ZNF578: variants seen among roughly 807,000 people sequenced by gnomAD.
ZNF578 encodes Putative chemokine-related protein B42.
Under a neutral mutation model 8.3 loss-of-function variants are expected in ZNF578, and 8 were observed. The ratio of observed to expected loss-of-function variants is 0.96; its 90% CI spans 0.56 to 1.74. The LOEUF is 1.74. ZNF578 is among the 40% of genes most tolerant of loss of function. The pLI is 0.00. For missense variants in ZNF578, 726 were observed against 707.5 expected, an observed-to-expected ratio of 1.03 and a Z score of -0.30; for synonymous variants, 206 against 232.2, an observed-to-expected ratio of 0.89 and a Z score of 1.03.
At chr19:52,478,153 C>G (rs2059313983) in intron 2 of ZNF578, among the ~76,000 whole-genome samples, 1 of 152,234 alleles carries the variant, frequency 6.6e-6, no homozygotes, top group Non-Finnish European at 1.5e-5. Flanking sequence ...CAGGTATACA[C>G]TAGCAGACAA....
intron 2 of ZNF578, among the ~76,000 whole-genome samples, chr19:52,477,292 T>C (rs1320379698): frequency 6.6e-6 from 1 of 152,146 alleles, no homozygotes; most frequent in East Asian, 1.9e-4. Context: ...AGGGAATCAA[T>C]GTTTCTTCTG....
intron 2 of ZNF578, among the ~76,000 whole-genome samples, chr19:52,485,971 T>C (rs973165469): frequency 1.3e-5 from 2 of 151,958 alleles, no homozygotes; most frequent in African/African-American, 2.4e-5. Flanking sequence ...GTCTGTGCTG[T>C]GGAGGATTAG....
At chr19:52,460,325 T>A (rs572242672) in intron 2 of ZNF578, among the ~76,000 whole-genome samples, 2 of 152,130 alleles carry the variant, frequency 1.3e-5, no homozygotes, top group African/African-American at 2.4e-5. Flanking sequence ...TTTTTTTTTT[T>A]TTATTGATGA....
chr19:52,498,657 A>G (rs2059395755), intron 3 of ZNF578, among the ~76,000 whole-genome samples: 2 of 145,968 alleles, frequency 1.4e-5, no homozygotes, highest in South Asian at 4.4e-4. Context: ...TGATGGGATT[A>G]CAGGAATGAG....
intron 3 of ZNF578, among the ~76,000 whole-genome samples, chr19:52,493,613 G>C (rs1165262779): frequency 1.3e-5 from 2 of 152,050 alleles, no homozygotes; most frequent in Non-Finnish European, 2.9e-5. Flanking sequence ...AATTTAACAG[G>C]GAGAGCAGAG....
intron 2 of ZNF578, among the ~76,000 whole-genome samples, chr19:52,481,825 G>A (rs1432261298): frequency 6.6e-6 from 1 of 152,044 alleles, no homozygotes; most frequent in African/African-American, 2.4e-5. Context: ...TGACCTGCTA[G>A]GCTCAAGCAA....
chr19:52,488,740 C>T (rs1447391673), intron 2 of ZNF578, among the ~76,000 whole-genome samples: 1 of 151,086 alleles, frequency 6.6e-6, no homozygotes, highest in Non-Finnish European at 1.5e-5. Context: ...GCCGAGATTG[C>T]GTCACTGCAC....
chr19:52,516,814 G>C lies in ZNF578; in HGVS notation c.*4660G>C, dbSNP rs987964099. 5.3e-5 allele frequency among the ~76,000 whole-genome samples: 8 copies of C among 152,150 alleles called. No homozygotes were observed. The highest frequency in any genetic ancestry group is 1.7e-4 in the African/African-American group (7 of 41,438). The stretch of plus-strand genomic sequence containing the variant: ...ACTAATGATAATCCCACCATACTTT[G>C]CTGACTCTCTTTTCACACTCAGCCC... On this transcript the variant is annotated 3_prime_UTR_variant, in exon 6 of 6. Transcript: ENST00000421239.
chr19:52,456,679 C>CT (rs2059240719), intron 1 of ZNF578, 189 bp from the exon 2 acceptor site: 1 of 153,410 alleles, frequency 6.5e-6, no homozygotes, highest in African/African-American at 2.4e-5. Flanking sequence ...TCCTGTAGGA[C>CT]TTTCTTGTCT....
intron 1 of ZNF578, chr19:52,456,102 C>G (rs182604630): frequency 1.3e-5 from 2 of 152,368 alleles, no homozygotes; most frequent in East Asian, 1.9e-4. Flanking sequence ...AACATCCTTC[C>G]TTTTCTAGGC....
Position 52,504,245 on chromosome 19 carries a change from A to C in ZNF578, c.64-410A>C, listed in dbSNP as rs376961549. Among the ~76,000 whole-genome samples the C allele has an allele frequency of 6.8e-4, 103 of 151,798 alleles. 1 individual carries two copies. Among genetic ancestry groups the C allele is most frequent in the East Asian group, 5.3e-3 (27 of 5,124 alleles). ...AGCTGGGATTACAGGAGCCTGCCACAATGCCCGTCTAATTTTTATATTTTT... is the reference window on the plus strand; with the variant it reads ...AGCTGGGATTACAGGAGCCTGCCACCATGCCCGTCTAATTTTTATATTTTT... On this transcript the variant is annotated intron_variant, in intron 4 of 5. Coordinates refer to ENST00000421239, the MANE Select transcript of ZNF578 (RefSeq NM_001099694.2).
chr19:52,462,578 G>A (rs912216564), intron 2 of ZNF578, among the ~76,000 whole-genome samples: 5 of 152,164 alleles, frequency 3.3e-5, no homozygotes, highest in African/African-American at 9.7e-5. Flanking sequence ...TCATAGCCAC[G>A]ATGAGGTTAC....
At chr19:52,483,749 G>A (rs945429181) in intron 2 of ZNF578, among the ~76,000 whole-genome samples, 3 of 152,174 alleles carry the variant, frequency 2.0e-5, no homozygotes, top group African/African-American at 7.2e-5. Context: ...CTATTGCCTG[G>A]TGTTATGTAA....
chr19:52,508,652 G>C (rs1202009432), intron 5 of ZNF578, among the ~76,000 whole-genome samples: 1 of 151,562 alleles, frequency 6.6e-6, no homozygotes, highest in Non-Finnish European at 1.5e-5. Flanking sequence ...CAAAATTATC[G>C]AGTGTGGTGG....
At chr19:52,480,523 A>G (rs1188203404) in intron 2 of ZNF578, among the ~76,000 whole-genome samples, 1 of 152,116 alleles carries the variant, frequency 6.6e-6, no homozygotes, top group East Asian at 1.9e-4. Context: ...CTAAATAACC[A>G]TACAGCAGCT....
chr19:52,460,727 T>G (rs187695288), intron 2 of ZNF578, among the ~76,000 whole-genome samples: 4 of 152,328 alleles, frequency 2.6e-5, no homozygotes, highest in African/African-American at 9.6e-5. Flanking sequence ...ATCAGTGTCG[T>G]AAGGTTTTCT....
At chr19:52,476,284 T>G (rs2059308131) in intron 2 of ZNF578, among the ~76,000 whole-genome samples, 1 of 152,172 alleles carries the variant, frequency 6.6e-6, no homozygotes, top group Admixed American at 6.5e-5. Flanking sequence ...CAAACACTGG[T>G]GAATTCCAGC....
intron 2 of ZNF578, among the ~76,000 whole-genome samples, chr19:52,464,382 A>C (rs976744619): frequency 2.6e-5 from 4 of 152,246 alleles, no homozygotes; most frequent in Non-Finnish European, 5.9e-5. Context: ...GATTAGACAT[A>C]GCATAAGTAG....
intron 4 of ZNF578, among the ~76,000 whole-genome samples, chr19:52,502,166 C>T (rs1418098340): frequency 6.6e-6 from 1 of 152,144 alleles, no homozygotes; most frequent in Non-Finnish European, 1.5e-5. Context: ...AGGGCTCACA[C>T]CCAGACATGG....
Sources: allele counts gnomAD v4.1 joint callset (sites outside exome capture counted in the v4.1 genomes callset), GRCh38; gene constraint gnomAD v4.1.1; transcripts MANE v1.5; gene names NCBI Gene and HGNC (gene_info 2026-07-23, HGNC 2026-07-21).